Variants in FAM98C observed in about 807,000 individuals in gnomAD.
FAM98C encodes the protein tRNA splicing ligase complex subunit 3C, also known as protein FAM98C.
In FAM98C, 38 loss-of-function variants were observed where a neutral mutation model predicts 41.1. The ratio of observed to expected loss-of-function variants is 0.92; its 90% CI spans 0.71 to 1.21. FAM98C has a LOEUF of 1.21. Among genes scored for constraint, FAM98C ranks in the 50% most tolerant of loss-of-function variants. FAM98C has a pLI of 0.00. For synonymous variants in FAM98C, 195 were observed against 216.7 expected (o/e 0.90, Z 0.88); for missense variants, 493 against 484.7 (o/e 1.02, Z -0.16).
rs773547682 is a variant in FAM98C at position 38,408,827 on chromosome 19, G to A, written c.995G>A (p.Arg332Gln). 2.2e-5 allele frequency: 35 copies of A among 1,609,946 alleles called. No individual in the cohort carries two copies. Among genetic ancestry groups the A allele is most frequent in the African/African-American group, 4.0e-5 (3 of 74,520 alleles). ...LEPPMPTWRSRREDGGPQCWG... is the reference protein window; with the variant it reads ...LEPPMPTWRSQREDGGPQCWG... ...CCTCCCATGCCCACCTGGAGGAGCC[G>A]AAGAGAGGATGGAGGCCCCCAGTGT... is the stretch of plus-strand genomic sequence containing the variant. Residue 332 changes from arginine (R) to glutamine (Q), a missense_variant, in exon 8 of 8, where the codon CGA becomes CAA. Coordinates refer to ENST00000252530, the MANE Select transcript of FAM98C (RefSeq NM_174905.4).
intron 3 of FAM98C, 141 bp from the exon 4 acceptor site, chr19:38,404,767 G>A: frequency 2.3e-6 from 2 of 859,080 alleles, no homozygotes; most frequent in Non-Finnish European, 3.9e-6. Flanking sequence ...CTGACCTCGT[G>A]ATCCGCCCGC....
In FAM98C at chr19:38,408,782, G is replaced by T. The variant is rs1463570828; in HGVS notation, c.950G>T (p.Gly317Val). ...VLMGNVPDRG[G>V]RPNELEPPMP... ...ATGGGCAACGTTCCAGACCGGGGGG[G>T]CCGCCCAAATGAGCTGGAGCCTCCC... Residue 317 changes from glycine (G) to valine (V), a missense_variant, in exon 8 of 8, where the codon GGC (glycine) becomes GTC (valine). Gly to Val is a moderately radical substitution (Grantham distance 109). Coordinates refer to ENST00000252530, the MANE Select transcript of FAM98C (RefSeq NM_174905.4). 6.2e-7 allele frequency: 1 copy of T among 1,613,846 alleles called. No individual in the cohort carries two copies. Among genetic ancestry groups the T allele is most frequent in the Admixed American group, 1.7e-5 (1 of 59,988 alleles).
At chr19:38,406,883 C>G (rs777699556) in intron 6 of FAM98C, 27 bp from the exon 7 acceptor site, 1 of 1,605,278 alleles carries the variant, frequency 6.2e-7, no homozygotes, top group Non-Finnish European at 8.5e-7. Flanking sequence ...CTCCAGGGTA[C>G]CTTCTCTTAC....
rs749730784 is a variant in FAM98C, at chr19:38,405,567, C to T, written c.682C>T (p.Arg228Cys). 20 of 1,614,036 alleles carry T rather than the reference C, an allele frequency of 1.2e-5. No homozygotes were observed. In the African/African-American group the frequency reaches 1.9e-4, roughly 15 times the overall value. The change falls in exon 6 of 8, where the codon CGC (arginine) becomes TGC (cysteine). Residue 228 changes from arginine (R) to cysteine (C), a missense_variant. Arg to Cys is a radical substitution (Grantham distance 180). Transcript: ENST00000252530. Reference protein sequence around the residue: ...SQSLRDQYRCRRCLLLKRLDL... With the variant: ...SQSLRDQYRCCRCLLLKRLDL... Reference sequence around the variant, plus strand: ...AAGCCTCAGAGATCAGTACCGCTGCCGCCGCTGCCTCCTCCTCAAGCGCCT... The same window carrying T: ...AAGCCTCAGAGATCAGTACCGCTGCTGCCGCTGCCTCCTCCTCAAGCGCCT...
chr19:38,404,122 C>T (rs1302438968), intron 3 of FAM98C, among the ~76,000 whole-genome samples: 3 of 152,128 alleles, frequency 2.0e-5, no homozygotes, highest in Admixed American at 6.5e-5. Flanking sequence ...GAACTCCTGA[C>T]CCCAGGTGAT....
rs1001446188 is a variant in FAM98C, at chr19:38,406,934, G to A, written c.775G>A (p.Val259Met). The change falls in exon 7 of 8, where the codon GTG becomes ATG. Residue 259 changes from valine to methionine, a missense_variant. Coordinates refer to ENST00000252530, the MANE Select transcript of FAM98C (RefSeq NM_174905.4). ...AEAQGEAMRA[V>M]LIPIREVLTP... ...GGCCCAAGGAGAGGCCATGAGGGCA[G>A]TGCTGATCCCAATTCGAGAGGTTCT... 2 of 1,614,068 alleles carry A rather than the reference G, an allele frequency of 1.2e-6. No individual in the cohort carries two copies. Among genetic ancestry groups the A allele is most frequent in the African/African-American group, 2.7e-5 (2 of 74,936 alleles).
At chr19:38,408,712 A>AATTTT in intron 7 of FAM98C, 39 bp from the exon 8 acceptor site, 1 of 1,613,822 alleles carries the variant, frequency 6.2e-7, no homozygotes, top group East Asian at 2.2e-5. Flanking sequence ...TGTCCAAGAT[A>AATTTT]CTTTTTTTCT....
chr19:38,403,357 G>A lies in FAM98C; in HGVS notation c.85G>A (p.Ala29Thr), dbSNP rs576614116. The A allele has an allele frequency of 4.8e-6, 7 of 1,470,720 alleles. No individual in the cohort carries two copies. In the East Asian group the frequency reaches 8.4e-5, roughly 18 times the overall value. 91.1% of individuals were successfully genotyped at this position (1,470,720 alleles called of 1,614,324 possible). Residue 29 changes from alanine (A) to threonine (T), a missense_variant, in exon 2 of 8, where the codon GCG becomes ACG. Physicochemically the swap from Ala to Thr is moderately conservative, Grantham distance 58. Transcript: ENST00000252530. ...LALGYGGVPG[A>T]ASRGASCPDF... The stretch of plus-strand genomic sequence containing the variant: ...CCACAGGTATGGAGGTGTCCCGGGG[G>A]CGGCGTCGCGGGGCGCCTCATGCCC...
chr19:38,407,350 A>C, intron 7 of FAM98C: 4 of 428,196 alleles, frequency 9.3e-6, no homozygotes, highest in Non-Finnish European at 1.7e-5. Flanking sequence ...CTATCACCAA[A>C]CACTACCTAT....
At chr19:38,403,816 C>T (rs1443754881) in intron 3 of FAM98C, 122 bp downstream of exon 3, 7 of 1,187,092 alleles carry the variant, frequency 5.9e-6, no homozygotes, top group South Asian at 5.9e-5. Context: ...CCAGAGGGTA[C>T]GAGGTGGGTG....
intron 6 of FAM98C, chr19:38,405,940 T>TC: frequency 3.5e-6 from 1 of 284,340 alleles, no homozygotes; most frequent in East Asian, 7.6e-5. Context: ...CACTGCAACC[T>TC]CCGACTCCCG....
chr19:38,403,153 C>G lies in FAM98C; in HGVS notation c.-1C>G. 3 of 1,528,726 alleles carry G rather than the reference C, an allele frequency of 2.0e-6. No individual in the cohort carries two copies. The highest frequency in any genetic ancestry group is 2.6e-6 in the Non-Finnish European group (3 of 1,151,918). The allele number at this position is 1,528,726 out of a possible 1,614,324, so 94.7% of individuals were successfully genotyped here. On this transcript the variant is annotated 5_prime_UTR_variant, in exon 1 of 8. Transcript: ENST00000252530. ...AGGGGGCGCGCCGAGACCACACTTT[C>G]ATGGAGGCGGTGAAGGCGGAAGCGT... is the stretch of plus-strand genomic sequence containing the variant.
intron 3 of FAM98C, chr19:38,404,620 T>G (rs972348833): frequency 1.7e-5 from 6 of 357,510 alleles, no homozygotes; most frequent in Non-Finnish European, 3.3e-5. Flanking sequence ...AACCTCCAAC[T>G]TCCTGGTTCA....
At chr19:38,407,981 C>G (rs1262174251) in intron 7 of FAM98C, 1 of 151,350 alleles carries the variant, frequency 6.6e-6, no homozygotes, top group Non-Finnish European at 1.5e-5. Flanking sequence ...GAGCAAGACT[C>G]TGTCTCAAAC....
intron 6 of FAM98C, chr19:38,405,862 T>G: frequency 1.0e-5 from 4 of 400,280 alleles, no homozygotes; most frequent in East Asian, 8.5e-5. Context: ...CCCCATCATT[T>G]TTTTTTTTTT....
chr19:38,405,540 C>T lies in FAM98C; in HGVS notation c.655C>T (p.Gln219Ter). ...CCAGGAAGCGTTGGAGTCTCTGTCC[C>T]AAAGCCTCAGAGATCAGTACCGCTG... ...PRWEALESLS[Q>*]SLRDQYRCRR... The change falls in exon 6 of 8, where the codon CAA (glutamine) becomes TAA (stop). Residue 219 changes from glutamine to a stop codon, truncating the protein, a stop_gained. Transcript: ENST00000252530. LOFTEE classifies it high-confidence loss of function. 1 of 1,614,194 alleles carries T rather than the reference C, an allele frequency of 6.2e-7. No individual in the cohort carries two copies.
At position 38,404,964 on chromosome 19, in the gene FAM98C, G is replaced by T; in HGVS notation, c.406G>T (p.Asp136Tyr). Residue 136 changes from aspartate (D) to tyrosine (Y), a missense_variant, in exon 4 of 8, where the codon GAT (aspartate) becomes TAT (tyrosine). Transcript: ENST00000252530. Reference sequence around the variant, plus strand: ...CCTCCTGTGCCTCCGCTCTCTGCTGGATCCGAGTCCTAGGCCACCCCTTGG... The same window carrying T: ...CCTCCTGTGCCTCCGCTCTCTGCTGTATCCGAGTCCTAGGCCACCCCTTGG... ...TRLLCLRSLL[D>Y]PSPRPPLGEG... 3 of 1,614,148 alleles carry T rather than the reference G, an allele frequency of 1.9e-6. No homozygotes were observed. Among genetic ancestry groups the T allele is most frequent in the Non-Finnish European group, 2.5e-6 (3 of 1,180,026 alleles).
At position 38,408,994 on chromosome 19, in the gene FAM98C, A is replaced by C; in HGVS notation, c.*112A>C. 8.2e-7 allele frequency: 1 copy of C among 1,219,876 alleles called. No individual in the cohort carries two copies. Among genetic ancestry groups the C allele is most frequent in the Non-Finnish European group, 1.1e-6 (1 of 900,894 alleles). 75.6% of individuals were successfully genotyped at this position (1,219,876 alleles called of 1,614,324 possible). A position where few individuals can be genotyped will look rare whatever the true frequency, so the allele number is the denominator to read the frequency against. On this transcript the variant is annotated 3_prime_UTR_variant, in exon 8 of 8. Transcript: ENST00000252530. ...TTGGTATTTGGCACCCAAGCCCCCC[A>C]TCTCCTATTCCTGAGTCCCCAAATG...
intron 4 of FAM98C, 48 bp downstream of exon 4, chr19:38,405,161 G>A (rs1260850301): frequency 6.4e-7 from 1 of 1,569,342 alleles, no homozygotes; most frequent in Non-Finnish European, 8.7e-7. Context: ...CACTTTCCTT[G>A]TGGGGGTGGG....
Sources: gnomAD v4.1 joint callset for allele counts (sites outside exome capture counted in the v4.1 genomes callset) on GRCh38, gnomAD v4.1.1 for gene constraint, MANE v1.5 for transcripts, NCBI Gene and HGNC (gene_info 2026-07-23, HGNC 2026-07-21) for gene names.